Variants in NEK4 observed in about 807,000 individuals in gnomAD.
NEK4 encodes the protein serine/threonine-protein kinase Nek4.
A neutral mutation model predicts 98.4 loss-of-function variants in NEK4; 86 were observed. That is an observed-to-expected ratio of 0.87 (90% CI 0.73 to 1.05). The LOEUF (loss-of-function observed/expected upper bound fraction) is 1.05. Ranked by LOEUF, NEK4 falls within the 50% of genes least tolerant of loss-of-function variation. NEK4 has a pLI of 0.00. For missense variants in NEK4, 898 were observed against 950.3 expected (o/e 0.94, Z 0.72); for synonymous variants, 328 against 342.2 (o/e 0.96, Z 0.46).
intron 6 of NEK4, chr3:52,753,405 G>A: frequency 5.6e-6 from 2 of 356,186 alleles, no homozygotes; most frequent in South Asian, 4.4e-5. Context: ...ATAGGCAGCT[G>A]GGAACTCTAC....
intron 6 of NEK4, among the ~76,000 whole-genome samples, chr3:52,759,457 G>A (rs1247880685): frequency 4.0e-5 from 6 of 151,810 alleles, no homozygotes; most frequent in Non-Finnish European, 7.4e-5. Context: ...CATACAAATG[G>A]CCAACAAGCA....
intron 2 of NEK4, among the ~76,000 whole-genome samples, chr3:52,767,723 GA>G (rs200021778): frequency 0.01 from 1,190 of 113,546 alleles, 13 homozygotes; most frequent in African/African-American, 0.031. Context: ...CGTCTCAAAA[GA>G]AAAAAAAAAA....
rs1304103385 is a variant in NEK4, at chr3:52,739,586, C to A, written c.2142G>T (p.Gln714His). 1 of 1,614,160 alleles carries A rather than the reference C, an allele frequency of 6.2e-7. No individual in the cohort carries two copies. The highest frequency in any genetic ancestry group is 1.1e-5 in the South Asian group (1 of 91,082). ...TCTCTTTAGAATCCAGTTTCAGGGT[C>A]TGAGTCATCAATTGTACCAAGGCAT... ...EINALVQLMT[Q>H]TLKLDSKESC... The change falls in exon 14 of 16, where the codon CAG becomes CAT. Residue 714 changes from glutamine (Q) to histidine (H), a missense_variant. Gln to His is a conservative substitution (Grantham distance 24). Coordinates refer to ENST00000233027, the MANE Select transcript of NEK4 (RefSeq NM_003157.6).
intron 6 of NEK4, among the ~76,000 whole-genome samples, chr3:52,757,566 A>G (rs1026696879): frequency 6.9e-6 from 1 of 144,484 alleles, no homozygotes; most frequent in East Asian, 1.9e-4. Context: ...AAAAAAAAAA[A>G]AAAAAAGAAA....
At chr3:52,747,112 A>G (rs1260710599) in intron 8 of NEK4, among the ~76,000 whole-genome samples, 1 of 152,178 alleles carries the variant, frequency 6.6e-6, no homozygotes, top group African/African-American at 2.4e-5. Context: ...TGGTTCAAAT[A>G]TAACAATGCA....
At chr3:52,716,329 C>A (rs185070351) in intron 15 of NEK4, among the ~76,000 whole-genome samples, 2 of 152,350 alleles carry the variant, frequency 1.3e-5, no homozygotes, top group East Asian at 1.9e-4. Flanking sequence ...CCAGGCCCAA[C>A]TGTCCAGACT....
chr3:52,749,547 C>T (rs1161329954), intron 8 of NEK4, 145 bp downstream of exon 8: 1 of 153,866 alleles, frequency 6.5e-6, no homozygotes, highest in African/African-American at 2.4e-5. Flanking sequence ...TAAAAAGATG[C>T]TCAAGGCTGG....
At chr3:52,734,972 T>C (rs189858104) in intron 15 of NEK4, 6 of 184,734 alleles carry the variant, frequency 3.2e-5, no homozygotes, top group Non-Finnish European at 5.8e-5. Flanking sequence ...GCCCTGTGTA[T>C]ATGCTTTCCT....
At chr3:52,749,186 G>A (rs2097401036) in intron 8 of NEK4, among the ~76,000 whole-genome samples, 1 of 151,970 alleles carries the variant, frequency 6.6e-6, no homozygotes, top group Non-Finnish European at 1.5e-5. Flanking sequence ...AGGCTGGAGT[G>A]CACTGGGTCA....
At chr3:52,737,753 A>G in intron 14 of NEK4, 34 bp from the exon 15 acceptor site, 1 of 1,562,108 alleles carries the variant, frequency 6.4e-7, no homozygotes, top group Non-Finnish European at 8.7e-7. Context: ...AGGGAAAAAT[A>G]AACACTTTTA....
intron 1 of NEK4, among the ~76,000 whole-genome samples, chr3:52,770,312 GA>G (rs1559454980): frequency 5.3e-5 from 8 of 151,932 alleles, no homozygotes; most frequent in Non-Finnish European, 1.2e-4. Flanking sequence ...CGGCTCTCAT[GA>G]GAGTATCGGG....
chr3:52,712,105 G>C (rs1476059617), intron 15 of NEK4, among the ~76,000 whole-genome samples: 1 of 152,142 alleles, frequency 6.6e-6, no homozygotes, highest in Non-Finnish European at 1.5e-5. Flanking sequence ...CATGCCAAAG[G>C]ATTAATAGCA....
At chr3:52,748,458 G>A (rs2097400066) in intron 8 of NEK4, among the ~76,000 whole-genome samples, 1 of 152,050 alleles carries the variant, frequency 6.6e-6, no homozygotes, top group Non-Finnish European at 1.5e-5. Flanking sequence ...TGAAACTACT[G>A]ATGTTTGATT....
intron 1 of NEK4, among the ~76,000 whole-genome samples, chr3:52,770,254 G>C (rs749131515): frequency 1.3e-5 from 2 of 151,896 alleles, no homozygotes; most frequent in Non-Finnish European, 2.9e-5. Flanking sequence ...TTCATTCAAG[G>C]AATAATGCTT....
chr3:52,739,382 G>A (rs772805273), intron 14 of NEK4, 47 bp downstream of exon 14: 1 of 1,512,614 alleles, frequency 6.6e-7, no homozygotes, highest in Admixed American at 1.7e-5. Context: ...CTGGGTGACA[G>A]AGTGAGACTC....
At chr3:52,768,302 G>A (rs770451332) in intron 2 of NEK4, 36 bp downstream of exon 2, 3 of 1,562,980 alleles carry the variant, frequency 1.9e-6, no homozygotes, top group Non-Finnish European at 2.6e-6. Context: ...CTTGCCATCT[G>A]GGAACAAGCT....
chr3:52,733,155 C>G (rs1310210535), intron 15 of NEK4: 1 of 189,996 alleles, frequency 5.3e-6, no homozygotes, highest in Non-Finnish European at 1.2e-5. Context: ...GTCTGCAAGT[C>G]TTACTAATCA....
At chr3:52,726,767 G>A (rs780308240) in intron 15 of NEK4, among the ~76,000 whole-genome samples, 3 of 151,568 alleles carry the variant, frequency 2.0e-5, no homozygotes, top group African/African-American at 7.3e-5. Context: ...TTATCTGGGC[G>A]TGGTGGCAGG....
chr3:52,748,116 C>T (rs1040887564), intron 8 of NEK4, among the ~76,000 whole-genome samples: 9 of 145,120 alleles, frequency 6.2e-5, no homozygotes, highest in South Asian at 2.2e-4. Context: ...GCCGCCACCA[C>T]GCCCAGCTAA....
Sources: gnomAD v4.1 joint callset for allele counts (sites outside exome capture counted in the v4.1 genomes callset) on GRCh38, gnomAD v4.1.1 for gene constraint, MANE v1.5 for transcripts, NCBI Gene and HGNC (gene_info 2026-07-23, HGNC 2026-07-21) for gene names.